Variants in CTNNA3 observed in about 807,000 individuals in gnomAD.
CTNNA3 encodes catenin alpha-3.
In CTNNA3, 76 loss-of-function variants were observed where a neutral mutation model predicts 95.7. That is an observed-to-expected ratio of 0.79 (90% confidence interval 0.66 to 0.96). CTNNA3 has a LOEUF of 0.96. Among genes scored for constraint, CTNNA3 ranks in the 40% least tolerant of loss-of-function variants. CTNNA3 has a pLI of 0.00. For missense variants in CTNNA3, 1,191 were observed against 1,089.8 expected (o/e 1.09, Z -1.31); for synonymous variants, 431 against 374.4 (o/e 1.15, Z -1.74).
intron 6 of CTNNA3, among the ~76,000 whole-genome samples, chr10:67,187,125 C>T (rs962268194): frequency 5.9e-5 from 9 of 152,064 alleles, no homozygotes; most frequent in Admixed American, 5.9e-4. Context: ...AAGTAACTTA[C>T]CCAAGATCAC....
chr10:66,255,373 C>T (rs1276860528), intron 13 of CTNNA3, among the ~76,000 whole-genome samples: 2 of 152,158 alleles, frequency 1.3e-5, no homozygotes, highest in African/African-American at 2.4e-5. Flanking sequence ...CCTATTTGCC[C>T]TTGGGTTGCA....
At chr10:67,251,696 CCAGGTCACG>C (rs1866115432) in intron 5 of CTNNA3, among the ~76,000 whole-genome samples, 2 of 152,020 alleles carry the variant, frequency 1.3e-5, no homozygotes, top group Admixed American at 1.3e-4. Context: ...CTTAAAGAGG[CCAGGTCACG>C]TTTGTCAACA....
At chr10:66,356,128 T>TG (rs2092608018) in intron 12 of CTNNA3, among the ~76,000 whole-genome samples, 1 of 150,028 alleles carries the variant, frequency 6.7e-6, no homozygotes, top group South Asian at 2.1e-4. Flanking sequence ...TTTTGTTTTT[T>TG]TTTTTTTTTT....
In CTNNA3 at chr10:67,088,857, TC is replaced by T. The variant is rs1484908580; in HGVS notation, c.1047+91459del. ...TATCCTATACTGTCAGCCCTCCATA[TC>T]CATAGGTTCTACATCCATAAACTCA... On this transcript the variant is annotated intron_variant, in intron 7 of 17. Coordinates refer to ENST00000433211, the MANE Select transcript of CTNNA3 (RefSeq NM_013266.4). 2.4e-4 allele frequency among the ~76,000 whole-genome samples: 36 copies of T among 152,066 alleles called. 1 individual carries two copies. The East Asian group carries it at 6.8e-3, about 29-fold the overall frequency.
At chr10:66,826,158 T>C (rs7919760) in intron 7 of CTNNA3, among the ~76,000 whole-genome samples, 84,463 of 152,056 alleles carry the variant, frequency 0.56, 23,685 homozygotes, top group Admixed American at 0.61. Context: ...TTCTTTTTGA[T>C]AGACATATGT....
chr10:66,242,823 G>A (rs2090162217), intron 13 of CTNNA3, among the ~76,000 whole-genome samples: 1 of 152,166 alleles, frequency 6.6e-6, no homozygotes, highest in Non-Finnish European at 1.5e-5. Context: ...AATAATATGT[G>A]TAAGTAGGTA....
intron 13 of CTNNA3, among the ~76,000 whole-genome samples, chr10:66,153,790 C>T (rs1259082573): frequency 6.6e-6 from 1 of 151,512 alleles, no homozygotes; most frequent in African/African-American, 2.4e-5. Context: ...CTATGCTGGT[C>T]CTGTCTTCCA....
At chr10:66,615,168 G>A (rs1462643184) in intron 10 of CTNNA3, among the ~76,000 whole-genome samples, 3 of 151,910 alleles carry the variant, frequency 2.0e-5, no homozygotes, top group Non-Finnish European at 2.9e-5. Context: ...ACATTCCTGT[G>A]CCAAGTATAT....
chr10:66,134,082 T>A (rs916214480), intron 13 of CTNNA3, among the ~76,000 whole-genome samples: 2 of 151,994 alleles, frequency 1.3e-5, no homozygotes, highest in African/African-American at 4.8e-5. Flanking sequence ...AATCAAACTA[T>A]AAATAATTAG....
At chr10:67,108,390 C>T (rs1164154541) in intron 7 of CTNNA3, among the ~76,000 whole-genome samples, 1 of 152,014 alleles carries the variant, frequency 6.6e-6, no homozygotes, top group South Asian at 2.1e-4. Context: ...TACAAATTTT[C>T]ATTCACGGGT....
chr10:66,396,932 A>G lies in CTNNA3; in HGVS notation c.1532-17580T>C, dbSNP rs1023236817. On this transcript the variant is annotated intron_variant, in intron 11 of 17. Coordinates refer to ENST00000433211, the MANE Select transcript of CTNNA3 (RefSeq NM_013266.4). The stretch of plus-strand genomic sequence containing the variant: ...ATTTAATAGAATATAACAAACCAAT[A>G]TAAGCTTTTCACTTATAAAGTAATT... 3.8e-4 allele frequency among the ~76,000 whole-genome samples: 58 copies of G among 152,030 alleles called. 1 individual carries two copies. Among genetic ancestry groups the G allele is most frequent in the African/African-American group, 1.4e-3 (57 of 41,566 alleles).
At chr10:66,757,599 T>G (rs1589221738) in intron 9 of CTNNA3, among the ~76,000 whole-genome samples, 1 of 152,300 alleles carries the variant, frequency 6.6e-6, no homozygotes, top group Non-Finnish European at 1.5e-5. Flanking sequence ...CCCAGCTCTC[T>G]GCTTCTCTAA....
intron 5 of CTNNA3, among the ~76,000 whole-genome samples, chr10:67,485,956 A>T (rs1016370190): frequency 3.3e-5 from 5 of 152,242 alleles, no homozygotes; most frequent in African/African-American, 9.6e-5. Context: ...AGGGATATAA[A>T]TAATGCCGTA....
chr10:66,560,944 T>C (rs528667680), intron 10 of CTNNA3, among the ~76,000 whole-genome samples: 43 of 152,152 alleles, frequency 2.8e-4, no homozygotes, highest in African/African-American at 9.6e-4. Context: ...TCTTGAGACA[T>C]TGGATCTACC....
intron 12 of CTNNA3, among the ~76,000 whole-genome samples, chr10:66,370,544 G>A (rs376136586): frequency 1.6e-4 from 25 of 152,218 alleles, no homozygotes; most frequent in African/African-American, 5.8e-4. Context: ...GCTCTGGTGA[G>A]GCATATTGGT....
chr10:67,399,900 C>A lies in CTNNA3; in HGVS notation c.579+121942G>T, dbSNP rs1309232957. 2.0e-5 allele frequency among the ~76,000 whole-genome samples: 3 copies of A among 152,050 alleles called. No individual in the cohort carries two copies. The East Asian group carries it at 5.8e-4, about 29-fold the overall frequency. ...CATAGTCAGAAAAGTGGAAGAATTTCTATAGTTATATTTTAATTACAATTT... is the reference window on the plus strand; with the variant it reads ...CATAGTCAGAAAAGTGGAAGAATTTATATAGTTATATTTTAATTACAATTT... On this transcript the variant is annotated intron_variant, in intron 5 of 17. Coordinates refer to ENST00000433211, the MANE Select transcript of CTNNA3 (RefSeq NM_013266.4).
chr10:67,206,135 T>C (rs1266734399), intron 6 of CTNNA3, among the ~76,000 whole-genome samples: 1 of 152,220 alleles, frequency 6.6e-6, no homozygotes, highest in Admixed American at 6.5e-5. Flanking sequence ...AGGCAATTAG[T>C]GAACAGAGAC....
intron 11 of CTNNA3, among the ~76,000 whole-genome samples, chr10:66,428,844 C>G (rs1386019370): frequency 6.6e-6 from 1 of 151,750 alleles, no homozygotes; most frequent in Non-Finnish European, 1.5e-5. Flanking sequence ...ATTAAAAGAA[C>G]TAGAAAAGCA....
At chr10:67,189,222 T>C (rs1366082326) in intron 6 of CTNNA3, among the ~76,000 whole-genome samples, 2 of 151,678 alleles carry the variant, frequency 1.3e-5, no homozygotes, top group East Asian at 3.9e-4. Flanking sequence ...AAATAAGCCA[T>C]GCACAGAAAT....
Sources: gnomAD v4.1 joint callset for allele counts (sites outside exome capture counted in the v4.1 genomes callset) on GRCh38, gnomAD v4.1.1 for gene constraint, MANE v1.5 for transcripts, NCBI Gene and HGNC (gene_info 2026-07-23, HGNC 2026-07-21) for gene names.